GPHN: variants seen among roughly 807,000 people sequenced by gnomAD.
GPHN encodes gephyrin.
A neutral mutation model predicts 95.5 loss-of-function variants in GPHN; 17 were observed. That is an observed-to-expected ratio of 0.18 (90% CI 0.12 to 0.27). The LOEUF (loss-of-function observed/expected upper bound fraction) is 0.27. Ranked by LOEUF, GPHN falls within the 10% of genes least tolerant of loss-of-function variation. The pLI, the probability that GPHN is intolerant of heterozygous loss-of-function variation, is 1.00. For synonymous variants in GPHN, 320 were observed against 322.5 expected, an observed-to-expected ratio of 0.99 and a Z score of 0.08; for missense variants, 660 against 978.1, an observed-to-expected ratio of 0.67 and a Z score of 4.34.
At chr14:67,562,926 G>A in the GPHN span, 4 of 1,594,904 alleles carry the variant, frequency 2.5e-6, no homozygotes, top group Non-Finnish European at 2.6e-6. Context: ...GGGCAGAGGA[G>A]CAGAGCTAAT....
At chr14:67,028,644 A>G (rs1439756849) in intron 10 of GPHN, among the ~76,000 whole-genome samples, 2 of 152,066 alleles carry the variant, frequency 1.3e-5, no homozygotes, top group Admixed American at 1.3e-4. Context: ...TCATATACCT[A>G]TTGGCCATAG....
chr14:67,338,838 T>C, the GPHN span: 1 of 1,380,092 alleles, frequency 7.2e-7, no homozygotes, highest in Non-Finnish European at 9.9e-7. Context: ...TTGAGTTTTG[T>C]AACAAGGATA....
chr14:67,424,370 C>A, the GPHN span, among the ~76,000 whole-genome samples: 1 of 151,980 alleles, frequency 6.6e-6, no homozygotes, highest in African/African-American at 2.4e-5. Context: ...ACAGTCCTAG[C>A]ACTCTGGGAA....
At chr14:66,845,049 T>C (rs549962393) in intron 4 of GPHN, among the ~76,000 whole-genome samples, 41 of 152,190 alleles carry the variant, frequency 2.7e-4, no homozygotes, top group Non-Finnish European at 2.8e-4. Flanking sequence ...TATCATGTAT[T>C]AGAATTTCAT....
chr14:67,171,416 G>A (rs1404036559), intron 21 of GPHN, among the ~76,000 whole-genome samples: 1 of 151,686 alleles, frequency 6.6e-6, no homozygotes, highest in African/African-American at 2.4e-5. Flanking sequence ...CACAATCCTA[G>A]CAATTCATCA....
chr14:66,599,392 A>ATTTTTT (rs765267813), intron 1 of GPHN, among the ~76,000 whole-genome samples: 7 of 76,510 alleles, frequency 9.1e-5, no homozygotes, highest in Admixed American at 1.4e-4. Context: ...TTTTTTTTGC[A>ATTTTTT]TTTTTTTTTT....
the GPHN span, among the ~76,000 whole-genome samples, chr14:67,560,878 A>G: frequency 6.6e-6 from 1 of 151,960 alleles, no homozygotes; most frequent in Non-Finnish European, 1.5e-5. Context: ...TTACAGGCAC[A>G]CGCCACCACG....
At chr14:67,535,982 A>G in the GPHN span, among the ~76,000 whole-genome samples, 1 of 152,214 alleles carries the variant, frequency 6.6e-6, no homozygotes, top group East Asian at 1.9e-4. Context: ...AGTTAAGCAA[A>G]TGGCTTAAGG....
chr14:67,304,734 C>T, the GPHN span, among the ~76,000 whole-genome samples: 1 of 152,104 alleles, frequency 6.6e-6, no homozygotes, highest in African/African-American at 2.4e-5. Flanking sequence ...TTGTACAAAT[C>T]TGTGAATAAA....
chr14:67,199,092 C>A, the GPHN span: 1 of 1,069,692 alleles, frequency 9.3e-7, no homozygotes, highest in Non-Finnish European at 1.5e-6. Context: ...CGAGCGGAAC[C>A]AGGATGCCAC....
At chr14:67,383,605 A>C in the GPHN span, 1 of 966,486 alleles carries the variant, frequency 1.0e-6, no homozygotes, top group Non-Finnish European at 1.5e-6. Flanking sequence ...GCCCTCCTAA[A>C]TGTCAGCTGT....
chr14:67,440,925 T>A, the GPHN span, among the ~76,000 whole-genome samples: 1 of 152,036 alleles, frequency 6.6e-6, no homozygotes, highest in East Asian at 1.9e-4. Context: ...TGATCCTAAC[T>A]CTTGTAGTGT....
At chr14:66,805,969 A>T (rs1322027138) in intron 3 of GPHN, among the ~76,000 whole-genome samples, 2 of 152,188 alleles carry the variant, frequency 1.3e-5, no homozygotes, top group African/African-American at 4.8e-5. Flanking sequence ...CTCCAACCCC[A>T]CATTTCTCTT....
At chr14:67,586,767 T>G in the GPHN span, 1 of 1,327,014 alleles carries the variant, frequency 7.5e-7, no homozygotes, top group Non-Finnish European at 9.7e-7. Context: ...AAGGGGAGGA[T>G]CTCCAGATCC....
chr14:67,635,571 C>T, the GPHN span, among the ~76,000 whole-genome samples: 2 of 152,108 alleles, frequency 1.3e-5, no homozygotes, highest in Admixed American at 6.5e-5. Flanking sequence ...TCCAGGAATT[C>T]GGCCGGGCAC....
intron 2 of GPHN, among the ~76,000 whole-genome samples, chr14:66,754,897 A>C (rs944034550): frequency 1.3e-5 from 2 of 152,036 alleles, no homozygotes; most frequent in Admixed American, 1.3e-4. Context: ...ACTGTTATGG[A>C]AACCTGTAAA....
chr14:66,815,043 C>T (rs991882149), intron 3 of GPHN, among the ~76,000 whole-genome samples: 1 of 151,934 alleles, frequency 6.6e-6, no homozygotes, highest in Non-Finnish European at 1.5e-5. Context: ...CAGAATAGAA[C>T]AAGCTGAGGA....
Position 66,965,728 on chromosome 14 carries a change from G to A in GPHN, c.963+403G>A, listed in dbSNP as rs536916131. ...CAAAGGGATTTCTTTAAACTTGTCC[G>A]GGCTGGGGTAGCTCCCTGCTCTAGT... On this transcript the variant is annotated intron_variant, in intron 9 of 22. Coordinates refer to ENST00000478722, the MANE Select transcript of GPHN (RefSeq NM_020806.5). 3.8e-4 allele frequency among the ~76,000 whole-genome samples: 58 copies of A among 152,188 alleles called. 2 individuals carry two copies. The highest frequency in any genetic ancestry group is 1.2e-3 in the African/African-American group (50 of 41,518).
intron 10 of GPHN, among the ~76,000 whole-genome samples, chr14:67,057,015 T>A (rs1159032261): frequency 6.6e-6 from 1 of 151,904 alleles, no homozygotes; most frequent in Non-Finnish European, 1.5e-5. Context: ...GAACTCGTGC[T>A]GGCCCGCAAG....
Sources: allele counts gnomAD v4.1 joint callset (sites outside exome capture counted in the v4.1 genomes callset), GRCh38; gene constraint gnomAD v4.1.1; transcripts MANE v1.5; gene names NCBI Gene and HGNC (gene_info 2026-07-23, HGNC 2026-07-21).